The following PRMT5 variants were observed in gnomAD, a reference collection of about 807,000 sequenced individuals.
PRMT5 encodes protein arginine N-methyltransferase 5.
PRMT5 carries 15 observed loss-of-function variants against 84.0 expected under a neutral mutation model. The observed-to-expected ratio is 0.18, with a 90% CI of 0.12 to 0.28. PRMT5 has a LOEUF of 0.28. PRMT5 is among the 10% of genes least tolerant of loss of function. The probability of loss-of-function intolerance (pLI) is 1.00; values close to 1 mark genes in which losing one functional copy is unlikely to be tolerated. For synonymous variants in PRMT5, 276 were observed against 292.4 expected, an observed-to-expected ratio of 0.94 and a Z score of 0.57; for missense variants, 486 against 808.0, an observed-to-expected ratio of 0.60 and a Z score of 4.83.
chr14:22,923,042 G>T lies in PRMT5; in HGVS notation c.1485+9C>A. The stretch of plus-strand genomic sequence containing the variant: ...GTACCACTTCTTTCCAGAGAGAGTG[G>T]TTCTTTACCTCAGGGTCACGGTCCT... On this transcript the variant is annotated intron_variant, in intron 13 of 16. Coordinates refer to ENST00000324366, the MANE Select transcript of PRMT5 (RefSeq NM_006109.5). The surrounding 1 kb of genome is among the most constrained non-coding windows in gnomAD (Gnocchi z 5.2). The T allele has an allele frequency of 4.4e-6, 7 of 1,591,216 alleles. No individual in the cohort carries two copies. Among genetic ancestry groups the T allele is most frequent in the Non-Finnish European group, 5.2e-6 (6 of 1,161,070 alleles).
chr14:22,924,645 G>C lies in PRMT5; in HGVS notation c.1004C>G (p.Ser335Cys). 1.2e-6 allele frequency: 2 copies of C among 1,614,080 alleles called. No homozygotes were observed. The highest frequency in any genetic ancestry group is 2.2e-5 in the South Asian group (2 of 91,072). Reference protein sequence around the residue: ...EVFEKDPIKYSQYQQAIYKCL... With the variant: ...EVFEKDPIKYCQYQQAIYKCL... ...ACCACACAGTACCTGCTGGTACTGA[G>C]AGTATTTGATGGGGTCCTTTTCAAA... The change falls in exon 9 of 17, where the codon TCT becomes TGT. Residue 335 changes from serine to cysteine, a missense_variant. By Grantham distance (112) the Ser-to-Cys change is moderately radical. This residue lies in a region of PRMT5 where 219 missense variants were observed against 433.6 expected (regional missense o/e 0.51). Transcript: ENST00000324366. This position sits in a 1 kb window ranked among gnomAD's most constrained non-coding sequence, Gnocchi z 6.5.
rs2044473942 is a variant in PRMT5, at chr14:22,928,396, A to G, written c.229+101T>C. 6 of 1,200,868 alleles carry G rather than the reference A, an allele frequency of 5.0e-6. No individual in the cohort carries two copies. The highest frequency in any genetic ancestry group is 7.4e-6 in the Non-Finnish European group (6 of 811,454). 74.4% of individuals were successfully genotyped at this position (1,200,868 alleles called of 1,614,324 possible). A position where few individuals can be genotyped will look rare whatever the true frequency, so the allele number is the denominator to read the frequency against. On this transcript the variant is annotated intron_variant, in intron 2 of 16. Coordinates refer to ENST00000324366, the MANE Select transcript of PRMT5 (RefSeq NM_006109.5). The surrounding 1 kb of genome is among the most constrained non-coding windows in gnomAD (Gnocchi z 4.8). ...CAAGTTATCTATATCCCAGGGACTA[A>G]CAAATATATCCAAGTCAGAAAAGGA...
chr14:22,925,559 C>A (rs1441571742), intron 7 of PRMT5, among the ~76,000 whole-genome samples: 1 of 152,046 alleles, frequency 6.6e-6, no homozygotes, highest in Non-Finnish European at 1.5e-5. Context: ...GTGGCCCACG[C>A]CTGTAATCCC....
chr14:22,925,987 T>C, intron 7 of PRMT5, 146 bp downstream of exon 7: 1 of 897,342 alleles, frequency 1.1e-6, no homozygotes. Flanking sequence ...CATTTACCTT[T>C]TTGTTCTCAA....
chr14:22,922,996 G>T, intron 13 of PRMT5, 55 bp downstream of exon 13: 1 of 1,472,090 alleles, frequency 6.8e-7, no homozygotes, highest in South Asian at 1.2e-5. Context: ...TGCAAATACA[G>T]AAAAAGAAGA....
chr14:22,928,349 G>T lies in PRMT5; in HGVS notation c.230-138C>A. On this transcript the variant is annotated intron_variant, in intron 2 of 16. Coordinates refer to ENST00000324366, the MANE Select transcript of PRMT5 (RefSeq NM_006109.5). This position sits in a 1 kb window ranked among gnomAD's most constrained non-coding sequence, Gnocchi z 4.8. ...CATAGACATGGGATAGCCTGATGCAGAATAGAGAAGCAAGGAGAAAACAAG... is the reference window on the plus strand; with the variant it reads ...CATAGACATGGGATAGCCTGATGCATAATAGAGAAGCAAGGAGAAAACAAG... The T allele has an allele frequency of 8.8e-7, 1 of 1,141,340 alleles. No homozygotes were observed. The highest frequency in any genetic ancestry group is 1.3e-6 in the Non-Finnish European group (1 of 768,210). The allele number at this position is 1,141,340 out of a possible 1,614,324, so 70.7% of individuals were successfully genotyped here.
At chr14:22,926,667 C>T in intron 5 of PRMT5, 35 bp downstream of exon 5, 2 of 1,605,862 alleles carry the variant, frequency 1.2e-6, no homozygotes, top group Non-Finnish European at 1.7e-6. Flanking sequence ...CACCCTATCC[C>T]TTGCACCCTG....
At chr14:22,925,185 T>C (rs1374887105) in intron 7 of PRMT5, 145 bp from the exon 8 acceptor site, 12 of 936,620 alleles carry the variant, frequency 1.3e-5, no homozygotes, top group Non-Finnish European at 1.8e-5. Context: ...AGATGGAGTC[T>C]CGCTCTATTG....
At chr14:22,921,951 C>T (rs543110439) in intron 16 of PRMT5, among the ~76,000 whole-genome samples, 17 of 150,920 alleles carry the variant, frequency 1.1e-4, no homozygotes, top group Non-Finnish European at 2.1e-4. Context: ...AAAGATGACT[C>T]TTGCTCAAAG....
Position 22,928,500 on chromosome 14 carries a change from T to C in PRMT5, c.226A>G (p.Arg76Gly). The C allele has an allele frequency of 6.2e-7, 1 of 1,607,594 alleles. No homozygotes were observed. Among genetic ancestry groups the C allele is most frequent in the Non-Finnish European group, 8.5e-7 (1 of 1,173,912 alleles). ...QTRSDLLLSG[R>G]DWNTLIVGKL... ...GGGCATATGGGATGGTCCCTACCCC[T>C]TCCTGACAGCAGTAGGTCTGATCGT... Residue 76 changes from arginine (R) to glycine (G), a missense_variant, in exon 2 of 17, where the codon AGG becomes GGG. Transcript: ENST00000324366. This position sits in a 1 kb window ranked among gnomAD's most constrained non-coding sequence, Gnocchi z 4.8.
chr14:22,922,315 C>T, intron 15 of PRMT5, 75 bp from the exon 16 acceptor site: 2 of 1,407,006 alleles, frequency 1.4e-6, no homozygotes, highest in South Asian at 1.2e-5. Flanking sequence ...AGGGTCTCTT[C>T]TCTAATCACA....
Position 22,923,795 on chromosome 14 carries a change from G to A in PRMT5, c.1375+213C>T, listed in dbSNP as rs2044357379. On this transcript the variant is annotated intron_variant, in intron 12 of 16. Transcript: ENST00000324366. This position sits in a 1 kb window ranked among gnomAD's most constrained non-coding sequence, Gnocchi z 5.2. ...TGCAATTACAGGCATGAGCCACCGC[G>A]CCCAGCCCACTCCCTTCATTTTACA... 6.6e-6 allele frequency among the ~76,000 whole-genome samples: 1 copy of A among 152,090 alleles called. No homozygotes were observed. The highest frequency in any genetic ancestry group is 1.5e-5 in the Non-Finnish European group (1 of 68,026).
Position 22,922,731 on chromosome 14 carries a change from A to G in PRMT5, c.1579+11T>C, listed in dbSNP as rs2044329368. 6.2e-7 allele frequency: 1 copy of G among 1,612,990 alleles called. No homozygotes were observed. Among genetic ancestry groups the G allele is most frequent in the Non-Finnish European group, 8.5e-7 (1 of 1,179,040 alleles). Reference sequence around the variant, plus strand: ...CCCCTCTAGTCAGAGGACAGCCATAAAAGAACCTACCTCTGTTGGGATGGC... The same window carrying G: ...CCCCTCTAGTCAGAGGACAGCCATAGAAGAACCTACCTCTGTTGGGATGGC... On this transcript the variant is annotated intron_variant, in intron 14 of 16. Coordinates refer to ENST00000324366, the MANE Select transcript of PRMT5 (RefSeq NM_006109.5).
chr14:22,926,246 G>A lies in PRMT5; in HGVS notation c.664C>T (p.Leu222Phe). 2.5e-6 allele frequency: 4 copies of A among 1,613,866 alleles called. No individual in the cohort carries two copies. The highest frequency in any genetic ancestry group is 3.4e-6 in the Non-Finnish European group (4 of 1,179,850). The change falls in exon 7 of 17, where the codon CTT (leucine) becomes TTT (phenylalanine). Residue 222 changes from leucine to phenylalanine, a missense_variant. Physicochemically the swap from Leu to Phe is conservative, Grantham distance 22. This residue lies in a region of PRMT5 where 215 missense variants were observed against 301.1 expected (regional missense o/e 0.71). Transcript: ENST00000324366. The stretch of plus-strand genomic sequence containing the variant: ...ATGGCTGCTTTGATGGGCTCCCCAA[G>A]CCAGCGATCAATGACATGATTAGAT... ...LPSNHVIDRW[L>F]GEPIKAAILP...
chr14:22,924,906 A>C lies in PRMT5; in HGVS notation c.912T>G (p.Tyr304Ter). ...GAAGCGGGGACTGCAGATAGTCTTC[A>C]TAGCCCTTGGCAAAGAGTTCATAGG... Reference protein sequence around the residue: ...PNAYELFAKGYEDYLQSPLQP... With the variant: ...PNAYELFAKG Residue 304 changes from tyrosine to a stop codon, truncating the protein, a stop_gained, in exon 8 of 17, where the codon TAT (tyrosine) becomes TAG (stop). Coordinates refer to ENST00000324366, the MANE Select transcript of PRMT5 (RefSeq NM_006109.5). LOFTEE classifies it high-confidence loss of function. This position sits in a 1 kb window ranked among gnomAD's most constrained non-coding sequence, Gnocchi z 6.5. The C allele has an allele frequency of 1.2e-6, 2 of 1,614,218 alleles. No homozygotes were observed. Among genetic ancestry groups the C allele is most frequent in the Non-Finnish European group, 8.5e-7 (1 of 1,180,030 alleles).
chr14:22,927,672 A>G lies in PRMT5; in HGVS notation c.316-12T>C. The G allele has an allele frequency of 6.3e-7, 1 of 1,599,390 alleles. No individual in the cohort carries two copies. The highest frequency in any genetic ancestry group is 8.5e-7 in the Non-Finnish European group (1 of 1,170,710). On this transcript the variant is annotated splice_polypyrimidine_tract_variant and intron_variant, in intron 3 of 16. Coordinates refer to ENST00000324366, the MANE Select transcript of PRMT5 (RefSeq NM_006109.5). ...TCCTGTAACATGGCCTGGAACGGAG[A>G]TGAAGAGGAAAAGTTTGAGCTAACA...
rs1271437549 is a variant in PRMT5 at position 22,928,162 on chromosome 14, G to T, written c.279C>A (p.Asp93Glu). 1 of 1,614,032 alleles carries T rather than the reference G, an allele frequency of 6.2e-7. No homozygotes were observed. Among genetic ancestry groups the T allele is most frequent in the African/African-American group, 1.3e-5 (1 of 74,912 alleles). ...TCCTGCGAATCTTCTCCACTTTTGA[G>T]TCTGGACGAATCCATGGAGAAAGCT... Reference protein sequence around the residue: ...VGKLSPWIRPDSKVEKIRRNS... With the variant: ...VGKLSPWIRPESKVEKIRRNS... The change falls in exon 3 of 17, where the codon GAC (aspartate) becomes GAA (glutamate). Residue 93 changes from aspartate to glutamate, a missense_variant. Physicochemically the swap from Asp to Glu is conservative, Grantham distance 45. Around this residue, in one of 4 missense-constraint regions of PRMT5, gnomAD observed 215 missense variants for 301.1 expected, o/e 0.71. Coordinates refer to ENST00000324366, the MANE Select transcript of PRMT5 (RefSeq NM_006109.5). This position sits in a 1 kb window ranked among gnomAD's most constrained non-coding sequence, Gnocchi z 4.8.
At chr14:22,922,406 C>T (rs1318934545) in intron 15 of PRMT5, 37 bp downstream of exon 15, 4 of 1,541,732 alleles carry the variant, frequency 2.6e-6, no homozygotes, top group African/African-American at 1.4e-5. Context: ...AGGAAGCACA[C>T]CCTCATACTC....
intron 7 of PRMT5, among the ~76,000 whole-genome samples, chr14:22,925,308 C>T (rs1488141061): frequency 6.6e-6 from 1 of 151,952 alleles, no homozygotes; most frequent in African/African-American, 2.4e-5. Context: ...AGGTGCGTGC[C>T]ACCATGCTTG....
Sources: gnomAD v4.1 joint callset for allele counts (sites outside exome capture counted in the v4.1 genomes callset) on GRCh38, gnomAD v4.1.1 for gene constraint, gnomAD v4.1.1 regional missense constraint, Gnocchi (gnomAD v3.1) non-coding constraint, MANE v1.5 for transcripts, NCBI Gene and HGNC (gene_info 2026-07-23, HGNC 2026-07-21) for gene names.